The following TUSC3 variants were observed in gnomAD, a reference collection of about 807,000 sequenced individuals.
TUSC3 encodes the protein dolichyl-diphosphooligosaccharide--protein glycosyltransferase subunit TUSC3.
In TUSC3, 45 loss-of-function variants were observed where a neutral mutation model predicts 44.8. That is an observed-to-expected ratio of 1.00 (90% CI 0.79 to 1.29). The LOEUF (loss-of-function observed/expected upper bound fraction) is 1.29, where lower values mean the gene tolerates loss of function less well. Ranked by LOEUF, TUSC3 falls within the 50% of genes most tolerant of loss-of-function variation. The probability of loss-of-function intolerance (pLI) is 0.00; values close to 1 mark genes in which losing one functional copy is unlikely to be tolerated. For missense variants in TUSC3, 519 were observed against 437.9 expected (o/e 1.19, Z -1.65); for synonymous variants, 212 against 152.9 (o/e 1.39, Z -2.85).
At chr8:15,518,289 T>C (rs1489647543) in intron 2 of TUSC3, among the ~76,000 whole-genome samples, 1 of 152,204 alleles carries the variant, frequency 6.6e-6, no homozygotes, top group East Asian at 1.9e-4. Flanking sequence ...CATGTGTTTT[T>C]AATTTGCTGG....
chr8:15,851,568 C>G, the TUSC3 span, among the ~76,000 whole-genome samples: 18 of 152,308 alleles, frequency 1.2e-4, no homozygotes, highest in African/African-American at 4.1e-4. Context: ...TTGACCAAGA[C>G]ATGGGACACG....
At chr8:15,438,244 G>A (rs544695240) in intron 1 of TUSC3, among the ~76,000 whole-genome samples, 3 of 152,150 alleles carry the variant, frequency 2.0e-5, no homozygotes, top group South Asian at 2.1e-4. Flanking sequence ...ACAGGCATGC[G>A]CCACCACGCC....
At chr8:15,468,765 G>A (rs185184716) in intron 1 of TUSC3, among the ~76,000 whole-genome samples, 59 of 152,244 alleles carry the variant, frequency 3.9e-4, no homozygotes, top group Admixed American at 2.9e-3. Flanking sequence ...TAGAAGTGAT[G>A]CTTTCAGGAG....
At chr8:15,545,134 C>T (rs1032244664) in intron 1 of TUSC3, among the ~76,000 whole-genome samples, 1 of 151,332 alleles carries the variant, frequency 6.6e-6, no homozygotes, top group African/African-American at 2.4e-5. Flanking sequence ...TGATGTCGTA[C>T]AGTTAGAGGC....
At chr8:15,421,914 T>A (rs889547660) in intron 1 of TUSC3, among the ~76,000 whole-genome samples, 1 of 152,178 alleles carries the variant, frequency 6.6e-6, no homozygotes, top group Non-Finnish European at 1.5e-5. Context: ...GCATCTTGAA[T>A]TCAATTGTTT....
At chr8:15,849,272 G>C in the TUSC3 span, among the ~76,000 whole-genome samples, 5 of 152,060 alleles carry the variant, frequency 3.3e-5, no homozygotes, top group South Asian at 2.1e-4. Flanking sequence ...AAAATATTTA[G>C]AGGTAGTGAT....
intron 2 of TUSC3, among the ~76,000 whole-genome samples, chr8:15,520,105 C>A (rs903824650): frequency 6.6e-6 from 1 of 152,136 alleles, no homozygotes; most frequent in African/African-American, 2.4e-5. Context: ...TCCTGTTATC[C>A]TTTCCTGTTC....
At position 15,623,207 on chromosome 8, in the gene TUSC3, T is replaced by A. The variant is rs767169040; in HGVS notation, c.266T>A (p.Met89Lys). The part of the protein sequence containing the change: ...APPRNYSMIV[M>K]FTALQPQRQC... ...CCTCGAAACTATTCCATGATTGTTATGTTCACTGCTCTTCAGCCTCAGCGG... is the reference window on the plus strand; with the variant it reads ...CCTCGAAACTATTCCATGATTGTTAAGTTCACTGCTCTTCAGCCTCAGCGG... Residue 89 changes from methionine to lysine, a missense_variant, in exon 2 of 11, where the codon ATG (methionine) becomes AAG (lysine). Coordinates refer to ENST00000503731, the MANE Select transcript of TUSC3 (RefSeq NM_006765.4). 1.2e-6 allele frequency: 2 copies of A among 1,612,570 alleles called. No individual in the cohort carries two copies. Among genetic ancestry groups the A allele is most frequent in the Non-Finnish European group, 1.7e-6 (2 of 1,179,250 alleles).
intron 1 of TUSC3, among the ~76,000 whole-genome samples, chr8:15,586,712 C>T (rs1431262630): frequency 6.6e-6 from 1 of 152,152 alleles, no homozygotes; most frequent in Non-Finnish European, 1.5e-5. Context: ...AAATAGCTGT[C>T]ACTCATAGCT....
At chr8:15,418,375 T>G (rs562714194) in intron 1 of TUSC3, among the ~76,000 whole-genome samples, 1 of 152,324 alleles carries the variant, frequency 6.6e-6, no homozygotes, top group African/African-American at 2.4e-5. Context: ...CAAAATCATT[T>G]TTTATCTGCC....
intron 3 of TUSC3, among the ~76,000 whole-genome samples, chr8:15,651,770 A>G (rs988529258): frequency 6.6e-6 from 1 of 152,178 alleles, no homozygotes; most frequent in Admixed American, 6.5e-5. Context: ...AAGCAAACTA[A>G]TAAGCTTATT....
chr8:15,507,018 C>G (rs1453271817), intron 2 of TUSC3, among the ~76,000 whole-genome samples: 1 of 152,194 alleles, frequency 6.6e-6, no homozygotes, highest in Non-Finnish European at 1.5e-5. Context: ...TGGACAATTT[C>G]CTCTGTATCT....
intron 1 of TUSC3, among the ~76,000 whole-genome samples, chr8:15,470,248 G>C (rs1800470213): frequency 7.4e-6 from 1 of 134,758 alleles, no homozygotes; most frequent in Non-Finnish European, 1.6e-5. Flanking sequence ...AACAGAGAAA[G>C]ACCCTGTCTC....
At chr8:15,846,967 A>T in the TUSC3 span, among the ~76,000 whole-genome samples, 1 of 152,026 alleles carries the variant, frequency 6.6e-6, no homozygotes, top group African/African-American at 2.4e-5. Flanking sequence ...CTCCACAGGC[A>T]TGCCTAACTC....
At chr8:15,638,526 T>C (rs1254773183) in intron 2 of TUSC3, among the ~76,000 whole-genome samples, 68 of 131,642 alleles carry the variant, frequency 5.2e-4, no homozygotes, top group East Asian at 2.1e-3. Flanking sequence ...TTTTTTTTTT[T>C]TTTTTTTTTT....
intron 7 of TUSC3, among the ~76,000 whole-genome samples, chr8:15,741,490 C>T (rs915013709): frequency 4.6e-5 from 7 of 152,120 alleles, no homozygotes; most frequent in African/African-American, 1.7e-4. Flanking sequence ...AGGCAGACCA[C>T]TTGAGGCCAG....
chr8:15,566,607 TTG>T (rs147247964), intron 1 of TUSC3, among the ~76,000 whole-genome samples: 52 of 97,404 alleles, frequency 5.3e-4, no homozygotes, highest in East Asian at 2.6e-3. Flanking sequence ...ACACATTTTT[TTG>T]TTGTTGTTGT....
chr8:15,719,944 A>G (rs1810231505), intron 6 of TUSC3, among the ~76,000 whole-genome samples: 1 of 152,008 alleles, frequency 6.6e-6, no homozygotes, highest in Non-Finnish European at 1.5e-5. Flanking sequence ...TTGTAGAGAC[A>G]AGCTCTTACT....
intron 2 of TUSC3, among the ~76,000 whole-genome samples, chr8:15,637,722 A>G (rs565782688): frequency 2.6e-5 from 4 of 151,872 alleles, no homozygotes; most frequent in Non-Finnish European, 4.4e-5. Flanking sequence ...GGGGATGGCT[A>G]GACTTTTGAG....
Sources: gnomAD v4.1 joint callset for allele counts (sites outside exome capture counted in the v4.1 genomes callset) on GRCh38, gnomAD v4.1.1 for gene constraint, MANE v1.5 for transcripts, NCBI Gene and HGNC (gene_info 2026-07-23, HGNC 2026-07-21) for gene names.